Variants in HSDL2 observed in about 807,000 individuals in gnomAD.
HSDL2 encodes hydroxysteroid dehydrogenase like 2, also known as hydroxysteroid dehydrogenase-like protein 2.
Under a neutral mutation model 46.3 loss-of-function variants are expected in HSDL2, and 27 were observed. The observed-to-expected ratio is 0.58, with a 90% CI of 0.43 to 0.80. The LOEUF is 0.80. HSDL2 is among the 30% of genes least tolerant of loss of function. The pLI is 0.00. For synonymous variants in HSDL2, 153 were observed against 163.6 expected, an observed-to-expected ratio of 0.94 and a Z score of 0.50; for missense variants, 451 against 502.7, an observed-to-expected ratio of 0.90 and a Z score of 0.98.
At chr9:112,383,886 G>A (rs141956001) in intron 1 of HSDL2, among the ~76,000 whole-genome samples, 261 of 152,126 alleles carry the variant, frequency 1.7e-3, no homozygotes, top group Non-Finnish European at 3.0e-3. Flanking sequence ...AAATTTTTTT[G>A]TAGAGGAGTC....
intron 10 of HSDL2, among the ~76,000 whole-genome samples, chr9:112,464,517 G>T (rs1270627935): frequency 6.6e-6 from 1 of 151,924 alleles, no homozygotes; most frequent in African/African-American, 2.4e-5. Context: ...ATTGTCGTTA[G>T]TTTATTTCCA....
chr9:112,384,417 T>C (rs1384909198), intron 1 of HSDL2, among the ~76,000 whole-genome samples: 3 of 152,196 alleles, frequency 2.0e-5, no homozygotes, highest in African/African-American at 7.2e-5. Context: ...CCAGAGACTC[T>C]GAGTGAGGAA....
At chr9:112,399,646 C>T (rs1287838216) in intron 1 of HSDL2, among the ~76,000 whole-genome samples, 1 of 152,144 alleles carries the variant, frequency 6.6e-6, no homozygotes, top group African/African-American at 2.4e-5. Flanking sequence ...GGAATGCATT[C>T]CTTTCCCAGG....
chr9:112,405,548 T>C, intron 2 of HSDL2, 76 bp from the exon 3 acceptor site: 1 of 1,041,522 alleles, frequency 9.6e-7, no homozygotes, highest in Non-Finnish European at 1.4e-6. Flanking sequence ...CTTTTTTCTT[T>C]TGACTGTGAT....
intron 6 of HSDL2, 101 bp downstream of exon 6, chr9:112,419,059 A>G: frequency 3.4e-6 from 2 of 589,060 alleles, no homozygotes; most frequent in South Asian, 3.3e-5. Context: ...TCCAGGCTGG[A>G]GTGCAGTGGT....
chr9:112,417,774 T>C (rs1313252319), intron 5 of HSDL2, among the ~76,000 whole-genome samples: 3 of 148,188 alleles, frequency 2.0e-5, no homozygotes, highest in Non-Finnish European at 4.5e-5. Context: ...ATAAACACTT[T>C]CATTCTTAAA....
intron 1 of HSDL2, among the ~76,000 whole-genome samples, chr9:112,386,510 G>A (rs1428928377): frequency 1.3e-5 from 2 of 151,998 alleles, no homozygotes; most frequent in Admixed American, 1.3e-4. Flanking sequence ...AGCTTGGCAT[G>A]GTGGCTCATG....
At chr9:112,419,081 T>G in intron 6 of HSDL2, 123 bp downstream of exon 6, 1 of 467,004 alleles carries the variant, frequency 2.1e-6, no homozygotes. Context: ...TGATCTTGGC[T>G]CACTGCAACC....
intron 8 of HSDL2, among the ~76,000 whole-genome samples, chr9:112,450,216 G>A (rs1306572760): frequency 6.6e-6 from 1 of 151,022 alleles, no homozygotes; most frequent in African/African-American, 2.4e-5. Context: ...GATCACTTGA[G>A]GACATGAGTT....
rs7849697 is a variant in HSDL2, at chr9:112,387,830, G to A, written c.17+7650G>A. Among the ~76,000 whole-genome samples, 472 of 152,106 alleles carry A rather than the reference G, an allele frequency of 3.1e-3. 1 individual carries two copies. The highest frequency in any genetic ancestry group is 9.3e-3 in the African/African-American group (386 of 41,492). On this transcript the variant is annotated intron_variant, in intron 1 of 10. Transcript: ENST00000398805. ...ATGTTCTGGTTGGAAATGCATAACC[G>A]GAATCTAATCATGAAGAAATATCAG... is the stretch of plus-strand genomic sequence containing the variant.
At chr9:112,437,962 C>G (rs974276719) in intron 6 of HSDL2, among the ~76,000 whole-genome samples, 8 of 152,130 alleles carry the variant, frequency 5.3e-5, no homozygotes, top group Non-Finnish European at 1.0e-4. Flanking sequence ...TTGGTAAATC[C>G]TGGGGCCAGG....
intron 1 of HSDL2, among the ~76,000 whole-genome samples, chr9:112,402,580 A>C (rs192671604): frequency 1.7e-3 from 256 of 149,908 alleles, no homozygotes; most frequent in African/African-American, 6.0e-3. Flanking sequence ...TAGGAGTTCA[A>C]GGCCAGCCTG....
At chr9:112,402,049 C>G (rs1831612820) in intron 1 of HSDL2, among the ~76,000 whole-genome samples, 1 of 152,108 alleles carries the variant, frequency 6.6e-6, no homozygotes, top group Non-Finnish European at 1.5e-5. Context: ...CCTTTATTAA[C>G]AAACCTGTTA....
At chr9:112,445,080 T>C (rs571470342) in intron 8 of HSDL2, among the ~76,000 whole-genome samples, 1 of 152,208 alleles carries the variant, frequency 6.6e-6, no homozygotes, top group East Asian at 1.9e-4. Context: ...GGTCTTGTTA[T>C]ATTGCCCAGG....
intron 10 of HSDL2, among the ~76,000 whole-genome samples, chr9:112,468,224 T>C (rs1833449994): frequency 6.6e-6 from 1 of 152,220 alleles, no homozygotes; most frequent in Non-Finnish European, 1.5e-5. Context: ...TTCTCTGTGG[T>C]AGTCTGATAT....
At chr9:112,394,981 A>C (rs938821444) in intron 1 of HSDL2, among the ~76,000 whole-genome samples, 1 of 152,202 alleles carries the variant, frequency 6.6e-6, no homozygotes, top group Non-Finnish European at 1.5e-5. Flanking sequence ...GTAGCAGGTA[A>C]ATCAGTTTGA....
At chr9:112,406,857 C>A (rs1040807838) in intron 3 of HSDL2, among the ~76,000 whole-genome samples, 1 of 152,104 alleles carries the variant, frequency 6.6e-6, no homozygotes, top group South Asian at 2.1e-4. Context: ...TTCAAAAGTT[C>A]CTAGAAAAAA....
intron 9 of HSDL2, 113 bp downstream of exon 9, chr9:112,454,275 C>A: frequency 1.3e-6 from 1 of 755,154 alleles, no homozygotes; most frequent in Admixed American, 2.6e-5. Context: ...GCATTCAAGA[C>A]CCTTACTCTT....
At chr9:112,462,462 C>A (rs201233689) in intron 10 of HSDL2, among the ~76,000 whole-genome samples, 97 of 143,416 alleles carry the variant, frequency 6.8e-4, no homozygotes, top group South Asian at 8.8e-4. Flanking sequence ...GACCCTGTCT[C>A]AAAAAAAAAA....
Sources: gnomAD v4.1 joint callset for allele counts (sites outside exome capture counted in the v4.1 genomes callset) on GRCh38, gnomAD v4.1.1 for gene constraint, MANE v1.5 for transcripts, NCBI Gene and HGNC (gene_info 2026-07-23, HGNC 2026-07-21) for gene names.